DECR1: variants seen among roughly 807,000 people sequenced by gnomAD.
The protein encoded by DECR1 is 2,4-dienoyl-CoA reductase [(3E)-enoyl-CoA-producing], mitochondrial.
DECR1 carries 44 observed loss-of-function variants against 38.8 expected under a neutral mutation model. That is an observed-to-expected ratio of 1.13 (90% CI 0.89 to 1.46). The LOEUF (loss-of-function observed/expected upper bound fraction) is 1.46, where lower values mean the gene tolerates loss of function less well. DECR1 is among the 40% of genes most tolerant of loss of function. The pLI, the probability that DECR1 is intolerant of heterozygous loss-of-function variation, is 0.00. For missense variants in DECR1, 428 were observed against 405.5 expected (o/e 1.06, Z -0.48); for synonymous variants, 148 against 135.2 (o/e 1.09, Z -0.66).
intron 1 of DECR1, among the ~76,000 whole-genome samples, chr8:90,012,655 A>G (rs796135724): frequency 2.6e-5 from 4 of 152,340 alleles, no homozygotes; most frequent in African/African-American, 9.6e-5. Flanking sequence ...TAAGTAAGAC[A>G]AGCATTTACC....
chr8:90,041,697 T>A (rs1157448387), intron 6 of DECR1, among the ~76,000 whole-genome samples: 1 of 152,172 alleles, frequency 6.6e-6, no homozygotes, highest in Non-Finnish European at 1.5e-5. Context: ...TAGGCTTACC[T>A]TTTTTGTATA....
intron 5 of DECR1, among the ~76,000 whole-genome samples, chr8:90,025,091 T>A (rs1813295266): frequency 6.6e-6 from 1 of 152,222 alleles, no homozygotes; most frequent in African/African-American, 2.4e-5. Flanking sequence ...ATCTCTGTTT[T>A]GGTACCAGTA....
chr8:90,031,920 A>G (rs1158572650), intron 5 of DECR1, among the ~76,000 whole-genome samples: 1 of 152,158 alleles, frequency 6.6e-6, no homozygotes, highest in Non-Finnish European at 1.5e-5. Context: ...AAATTAAGAT[A>G]CTTTATTTCT....
rs966444018 is a variant in DECR1, at chr8:90,026,774, G to A, written c.565+5718G>A. 5.9e-5 allele frequency among the ~76,000 whole-genome samples: 9 copies of A among 152,160 alleles called. No individual in the cohort carries two copies. In the East Asian group the frequency reaches 1.4e-3, roughly 23 times the overall value. On this transcript the variant is annotated intron_variant, in intron 5 of 9. Coordinates refer to ENST00000220764, the MANE Select transcript of DECR1 (RefSeq NM_001359.2). ...TCTTGCCTTCTGCTAGCTTTTGAAT[G>A]TGTTTGCTCTTGCTTCTCTAGTTCT...
intron 1 of DECR1, among the ~76,000 whole-genome samples, chr8:90,014,875 G>A (rs1304184222): frequency 6.6e-6 from 1 of 152,084 alleles, no homozygotes; most frequent in Non-Finnish European, 1.5e-5. Flanking sequence ...CTGAAGGCAG[G>A]TGGCAGCTTT....
chr8:90,016,945 C>T, intron 1 of DECR1, 179 bp from the exon 2 acceptor site: 1 of 557,782 alleles, frequency 1.8e-6, no homozygotes, highest in Non-Finnish European at 3.2e-6. Flanking sequence ...GCTCCAGAGC[C>T]TGTGCTTTTT....
intron 1 of DECR1, among the ~76,000 whole-genome samples, chr8:90,010,709 C>T (rs1180069455): frequency 6.6e-6 from 1 of 152,136 alleles, no homozygotes; most frequent in Non-Finnish European, 1.5e-5. Context: ...ATTGATTCAA[C>T]CTGAACCAAC....
Position 90,017,129 on chromosome 8 carries a change from C to A in DECR1, c.75C>A (p.Phe25Leu). ...AATTCATTTTCCCCTTTTAGTTTTT[C>A]AGTTATGGGACAAAAATATTATATC... ...LPCGLAPRRF[F>L]SYGTKILYQN... Residue 25 changes from phenylalanine to leucine, a missense_variant, in exon 2 of 10, where the codon TTC becomes TTA. Physicochemically the swap from Phe to Leu is conservative, Grantham distance 22. Coordinates refer to ENST00000220764, the MANE Select transcript of DECR1 (RefSeq NM_001359.2). The A allele has an allele frequency of 6.2e-7, 1 of 1,607,726 alleles. No individual in the cohort carries two copies. Among genetic ancestry groups the A allele is most frequent in the Non-Finnish European group, 8.5e-7 (1 of 1,176,834 alleles).
At chr8:90,032,638 G>A (rs1310705928) in intron 5 of DECR1, among the ~76,000 whole-genome samples, 3 of 152,120 alleles carry the variant, frequency 2.0e-5, no homozygotes, top group African/African-American at 4.8e-5. Context: ...GAAACCCTCA[G>A]AACAACAAGA....
At chr8:90,012,947 T>C (rs1276690695) in intron 1 of DECR1, among the ~76,000 whole-genome samples, 1 of 152,148 alleles carries the variant, frequency 6.6e-6, no homozygotes, top group African/African-American at 2.4e-5. Context: ...AAGGTGAAAG[T>C]AGTTGGCAAG....
chr8:90,025,649 C>T (rs566591987), intron 5 of DECR1, among the ~76,000 whole-genome samples: 5 of 152,266 alleles, frequency 3.3e-5, no homozygotes, highest in Admixed American at 6.5e-5. Flanking sequence ...TCTAAATATA[C>T]AATCATGTCA....
At chr8:90,040,242 A>G (rs942554759) in intron 6 of DECR1, among the ~76,000 whole-genome samples, 2 of 152,204 alleles carry the variant, frequency 1.3e-5, no homozygotes, top group Non-Finnish European at 2.9e-5. Context: ...CAGGGTAGCT[A>G]TGGCAATGAA....
In DECR1 at chr8:90,053,083, T is replaced by C. The variant is rs1814135202; in HGVS notation, c.*1186T>C. 6.6e-6 allele frequency among the ~76,000 whole-genome samples: 1 copy of C among 152,198 alleles called. No individual in the cohort carries two copies. The highest frequency in any genetic ancestry group is 6.5e-5 in the Admixed American group (1 of 15,280). ...ATTATACTGACTTTCACTGGGCTTT[T>C]TTTTAGGCTGTTGCACTTTTTCTCC... On this transcript the variant is annotated 3_prime_UTR_variant, in exon 10 of 10. Coordinates refer to ENST00000220764, the MANE Select transcript of DECR1 (RefSeq NM_001359.2).
In DECR1 at chr8:90,017,178, A is replaced by G. The variant is rs1813028855; in HGVS notation, c.124A>G (p.Lys42Glu). 1 of 1,614,022 alleles carries G rather than the reference A, an allele frequency of 6.2e-7. No individual in the cohort carries two copies. Among genetic ancestry groups the G allele is most frequent in the Non-Finnish European group, 8.5e-7 (1 of 1,179,984 alleles). The change falls in exon 2 of 10, where the codon AAA (lysine) becomes GAA (glutamate). Residue 42 changes from lysine to glutamate, a missense_variant. Lys to Glu is a moderately conservative substitution (Grantham distance 56). Transcript: ENST00000220764. ...LYQNTEALQS[K>E]FFSPLQKAML... ...TCAAAACACTGAAGCTTTGCAATCT[A>G]AATTCTTTTCACCTCTTCAAAAAGC...
intron 2 of DECR1, among the ~76,000 whole-genome samples, chr8:90,018,068 A>G (rs1203168009): frequency 2.6e-5 from 4 of 152,156 alleles, no homozygotes; most frequent in Admixed American, 2.0e-4. Flanking sequence ...TTGTATTTTT[A>G]GTAGAGACTG....
chr8:90,046,744 C>A (rs956812936), intron 8 of DECR1, among the ~76,000 whole-genome samples: 1 of 152,100 alleles, frequency 6.6e-6, no homozygotes, highest in African/African-American at 2.4e-5. Context: ...GTCAGATTGA[C>A]TAAAGTTGAA....
chr8:90,034,403 A>T (rs1350027406), intron 5 of DECR1, among the ~76,000 whole-genome samples: 1 of 151,968 alleles, frequency 6.6e-6, no homozygotes, highest in East Asian at 1.9e-4. Flanking sequence ...GGACCTAAAG[A>T]TTACCCTTTT....
In DECR1 at chr8:90,036,863, TA is replaced by T. The variant is rs779571621; in HGVS notation, c.589del (p.Thr197LeufsTer11). The T allele has an allele frequency of 2.1e-5, 34 of 1,613,012 alleles. No homozygotes were observed. Among genetic ancestry groups the T allele is most frequent in the Non-Finnish European group, 2.5e-5 (30 of 1,179,432 alleles). On this transcript the variant is annotated frameshift_variant, in exon 6 of 10. Transcript: ENST00000220764. LOFTEE classifies it high-confidence loss of function. ...CAGGAGCAGCATTTCTTTCTATTAC[TA>T]CTATCTATGCTGAGACTGGTTCAGG... ...QKGAAFLSIT[T>X]IYAETGSGFV...
intron 5 of DECR1, among the ~76,000 whole-genome samples, chr8:90,024,755 G>T (rs1813283681): frequency 6.6e-6 from 1 of 151,998 alleles, no homozygotes; most frequent in Admixed American, 6.6e-5. Context: ...TGGCTTTTGT[G>T]GCCATTGCTT....
Sources: allele counts gnomAD v4.1 joint callset (sites outside exome capture counted in the v4.1 genomes callset), GRCh38; gene constraint gnomAD v4.1.1; transcripts MANE v1.5; gene names NCBI Gene and HGNC (gene_info 2026-07-23, HGNC 2026-07-21).